DNAJB6: variants seen among roughly 807,000 people sequenced by gnomAD.
DNAJB6 encodes dnaJ homolog subfamily B member 6.
DNAJB6 carries 16 observed loss-of-function variants against 42.7 expected under a neutral mutation model. The observed-to-expected ratio is 0.37, with a 90% CI of 0.25 to 0.57. The LOEUF (loss-of-function observed/expected upper bound fraction) is 0.57. Ranked by LOEUF, DNAJB6 falls within the 20% of genes least tolerant of loss-of-function variation. The pLI is 0.74. For synonymous variants in DNAJB6, 170 were observed against 163.5 expected, an observed-to-expected ratio of 1.04 and a Z score of -0.30; for missense variants, 347 against 416.8, an observed-to-expected ratio of 0.83 and a Z score of 1.46.
intron 1 of DNAJB6, chr7:157,339,931 T>A (rs76700425): frequency 6.6e-6 from 1 of 152,266 alleles, no homozygotes; most frequent in South Asian, 2.1e-4. Context: ...CGGCTGTCAC[T>A]TTAAAGAGTA....
rs1796107625 is a variant in DNAJB6, at chr7:157,416,364, T to G, written c.*266T>G. On this transcript the variant is annotated 3_prime_UTR_variant, in exon 10 of 10. Transcript: ENST00000262177. ...AATCTGCTGCATTTTCCTCTAGTGC[T>G]TCCGGATCCTCTTCATTCTTTTCGG... 1 of 463,756 alleles carries G rather than the reference T, an allele frequency of 2.2e-6. No individual in the cohort carries two copies. The highest frequency in any genetic ancestry group is 3.9e-6 in the Non-Finnish European group (1 of 256,448). 28.7% of individuals were successfully genotyped at this position (463,756 alleles called of 1,614,324 possible). A position where few individuals can be genotyped will look rare whatever the true frequency, so the allele number is the denominator to read the frequency against.
chr7:157,357,868 A>C (rs1799388288), intron 1 of DNAJB6, among the ~76,000 whole-genome samples: 1 of 152,158 alleles, frequency 6.6e-6, no homozygotes, highest in Non-Finnish European at 1.5e-5. Flanking sequence ...CTGGTTTTCC[A>C]CCTTCCATTC....
At chr7:157,386,859 G>A (rs1801088283) in intron 8 of DNAJB6, among the ~76,000 whole-genome samples, 3 of 150,852 alleles carry the variant, frequency 2.0e-5, no homozygotes, top group Admixed American at 2.0e-4. Context: ...ACTCCAGCCT[G>A]GGAGACAGAG....
At chr7:157,415,825 G>A (rs1231605039) in intron 9 of DNAJB6, among the ~76,000 whole-genome samples, 191 bp from the exon 10 acceptor site, 1 of 152,248 alleles carries the variant, frequency 6.6e-6, no homozygotes, top group Admixed American at 6.5e-5. Flanking sequence ...GAAGCTCTCT[G>A]GGTAGTGTGA....
At chr7:157,372,494 A>G (rs1800265739) in intron 5 of DNAJB6, among the ~76,000 whole-genome samples, 1 of 152,236 alleles carries the variant, frequency 6.6e-6, no homozygotes, top group African/African-American at 2.4e-5. Flanking sequence ...TAAAGTGTCA[A>G]GGAGCTGCCC....
At chr7:157,390,781 G>A (rs989755852) in intron 8 of DNAJB6, among the ~76,000 whole-genome samples, 2 of 152,184 alleles carry the variant, frequency 1.3e-5, no homozygotes, top group African/African-American at 4.8e-5. Context: ...GCGTGTGGGG[G>A]AGATGTGGCT....
intron 8 of DNAJB6, among the ~76,000 whole-genome samples, chr7:157,396,604 T>G (rs914816823): frequency 6.6e-6 from 1 of 152,110 alleles, no homozygotes; most frequent in Middle Eastern, 3.2e-3. Context: ...CTGGGCCCCC[T>G]CCTCTGCTCT....
At chr7:157,379,741 C>G (rs1161123951) in intron 5 of DNAJB6, 1 of 152,006 alleles carries the variant, frequency 6.6e-6, no homozygotes, top group Non-Finnish European at 1.5e-5. Context: ...CTGCCTTGGC[C>G]TCCTCAGGAG....
intron 8 of DNAJB6, among the ~76,000 whole-genome samples, chr7:157,405,880 T>C (rs755076444): frequency 1.3e-4 from 20 of 152,372 alleles, no homozygotes; most frequent in Middle Eastern, 3.4e-3. Context: ...TTTCTCTTTT[T>C]CATTTTTCTT....
intron 8 of DNAJB6, among the ~76,000 whole-genome samples, chr7:157,397,150 G>C (rs1016809646): frequency 2.0e-5 from 3 of 152,254 alleles, no homozygotes; most frequent in Non-Finnish European, 4.4e-5. Flanking sequence ...TGTGAAGCCA[G>C]CCCCGTGCGT....
chr7:157,403,467 TTTTG>T lies in DNAJB6; in HGVS notation c.692-6320_692-6317del, dbSNP rs761336450. Among the ~76,000 whole-genome samples the T allele has an allele frequency of 4.6e-5, 7 of 152,234 alleles. 1 individual carries two copies. The South Asian group carries it at 8.3e-4, about 18-fold the overall frequency. On this transcript the variant is annotated intron_variant, in intron 8 of 9. Coordinates refer to ENST00000262177, the MANE Select transcript of DNAJB6 (RefSeq NM_058246.4). ...AAATTGTGAGGGAGGTGTGTGGCTT[TTTTG>T]TTTGTTTTTTTTGAGACATTGTCTC...
At chr7:157,397,118 G>A (rs1455473128) in intron 8 of DNAJB6, among the ~76,000 whole-genome samples, 7 of 152,220 alleles carry the variant, frequency 4.6e-5, no homozygotes, top group East Asian at 1.9e-4. Flanking sequence ...ATGCTGTGCC[G>A]TGGCTGCCCC....
chr7:157,409,802 C>T lies in DNAJB6; in HGVS notation c.699C>T (p.Ala233=), dbSNP rs1200217329. The T allele has an allele frequency of 2.0e-6, 3 of 1,527,924 alleles. No homozygotes were observed. The highest frequency in any genetic ancestry group is 2.0e-5 in the Admixed American group (1 of 50,624). The allele number at this position is 1,527,924 out of a possible 1,614,324, so 94.6% of individuals were successfully genotyped here. A position where few individuals can be genotyped will look rare whatever the true frequency, so the allele number is the denominator to read the frequency against. The change falls in exon 9 of 10, where the codon GCC becomes GCT. Residue 233 remains alanine, a synonymous_variant. Coordinates refer to ENST00000262177, the MANE Select transcript of DNAJB6 (RefSeq NM_058246.4). ...QLKSLTINGV[A]DDDALAEERM... is the part of the protein sequence containing the mutation. Reference sequence around the variant, plus strand: ...CTCCCGCTGTGCCTGCAGGTGTGGCCGACGACGATGCCCTCGCTGAGGAGC... The same window carrying T: ...CTCCCGCTGTGCCTGCAGGTGTGGCTGACGACGATGCCCTCGCTGAGGAGC...
intron 1 of DNAJB6, among the ~76,000 whole-genome samples, chr7:157,345,686 A>C (rs189253933): frequency 5.6e-4 from 86 of 152,236 alleles, no homozygotes; most frequent in African/African-American, 1.8e-3. Flanking sequence ...TATCCAAACA[A>C]AGATTGCTGA....
chr7:157,358,421 G>A (rs1359950813), intron 1 of DNAJB6, 126 bp from the exon 2 acceptor site: 4 of 624,494 alleles, frequency 6.4e-6, no homozygotes, highest in African/African-American at 5.6e-5. Context: ...TCTAGTGGAA[G>A]TTCCCTCTGT....
At chr7:157,342,048 G>A (rs553935760) in intron 1 of DNAJB6, among the ~76,000 whole-genome samples, 1 of 152,142 alleles carries the variant, frequency 6.6e-6, no homozygotes, top group Non-Finnish European at 1.5e-5. Flanking sequence ...TGTATATTTA[G>A]TAGAGAGTGG....
In DNAJB6 at chr7:157,416,103, G is replaced by T. The variant is rs748781499; in HGVS notation, c.*5G>T. 5 of 1,612,928 alleles carry T rather than the reference G, an allele frequency of 3.1e-6. No homozygotes were observed. The highest frequency in any genetic ancestry group is 4.2e-6 in the Non-Finnish European group (5 of 1,179,412). On this transcript the variant is annotated 3_prime_UTR_variant, in exon 10 of 10. Transcript: ENST00000262177. ...TCGACCAAAGGCAATCACTAGACCG[G>T]ACTTGAGGCACGCGGTGCACCCCCA...
chr7:157,348,584 C>G (rs779526830), intron 1 of DNAJB6, among the ~76,000 whole-genome samples: 3 of 152,052 alleles, frequency 2.0e-5, no homozygotes, highest in Non-Finnish European at 2.9e-5. Context: ...CCGCACATAT[C>G]GTTTGGAGCA....
At chr7:157,361,536 T>C (rs1179596829) in intron 2 of DNAJB6, among the ~76,000 whole-genome samples, 2 of 152,214 alleles carry the variant, frequency 1.3e-5, no homozygotes, top group Admixed American at 6.5e-5. Context: ...GATTTTAGTA[T>C]GGTTAAGCCA....
Sources: allele counts gnomAD v4.1 joint callset (sites outside exome capture counted in the v4.1 genomes callset), GRCh38; gene constraint gnomAD v4.1.1; transcripts MANE v1.5; gene names NCBI Gene and HGNC (gene_info 2026-07-23, HGNC 2026-07-21).